Variants in DMRT1 observed in about 807,000 individuals in gnomAD.
DMRT1 encodes the protein doublesex and mab-3 related transcription factor 1, also known as doublesex- and mab-3-related transcription factor 1.
DMRT1 carries 7 observed loss-of-function variants against 32.3 expected under a neutral mutation model. The ratio of observed to expected loss-of-function variants is 0.22; its 90% confidence interval spans 0.12 to 0.41. The LOEUF is 0.41. Among genes scored for constraint, DMRT1 ranks in the 10% least tolerant of loss-of-function variants. The pLI is 1.00. For missense variants in DMRT1, 625 were observed against 500.5 expected (o/e 1.25, Z -2.37); for synonymous variants, 278 against 206.1 (o/e 1.35, Z -2.99).
At chr9:846,813 C>G (rs1268637306) in intron 1 of DMRT1, 147 bp from the exon 2 acceptor site, 5 of 963,206 alleles carry the variant, frequency 5.2e-6, no homozygotes, top group South Asian at 1.4e-5. Flanking sequence ...TCATAGTTAC[C>G]TGGGTGGGTT....
chr9:921,663 A>T (rs1488802633), intron 4 of DMRT1, among the ~76,000 whole-genome samples: 7 of 152,110 alleles, frequency 4.6e-5, no homozygotes, highest in East Asian at 3.8e-4. Context: ...TTTTCCATTT[A>T]AAAAAACAGT....
At chr9:878,848 TG>T (rs1486039633) in intron 2 of DMRT1, among the ~76,000 whole-genome samples, 1 of 152,224 alleles carries the variant, frequency 6.6e-6, no homozygotes, top group Admixed American at 6.5e-5. Flanking sequence ...AGTATTTCTT[TG>T]CTACGTGCAA....
At chr9:921,864 C>G (rs998550945) in intron 4 of DMRT1, among the ~76,000 whole-genome samples, 2 of 152,008 alleles carry the variant, frequency 1.3e-5, no homozygotes, top group African/African-American at 2.4e-5. Flanking sequence ...AGAGCGAAAC[C>G]CTGAGACACA....
Position 916,812 on chromosome 9 carries a change from A to G in DMRT1, c.872A>G (p.His291Arg), listed in dbSNP as rs756556479. Reference sequence around the variant, plus strand: ...GCAATGAGCTCCCAGTACAGGATGCATTCTTACTACCCGCCTCCCTCTTAC... The same window carrying G: ...GCAATGAGCTCCCAGTACAGGATGCGTTCTTACTACCCGCCTCCCTCTTAC... ...RHAMSSQYRMHSYYPPPSYLG... is the reference protein window; with the variant it reads ...RHAMSSQYRMRSYYPPPSYLG... The change falls in exon 4 of 5, where the codon CAT (histidine) becomes CGT (arginine). Residue 291 changes from histidine (H) to arginine (R), a missense_variant. Transcript: ENST00000382276. 2.5e-6 allele frequency: 4 copies of G among 1,614,120 alleles called. No homozygotes were observed. The highest frequency in any genetic ancestry group is 2.7e-5 in the African/African-American group (2 of 74,936).
At chr9:923,448 G>A (rs563296447) in intron 4 of DMRT1, among the ~76,000 whole-genome samples, 2 of 144,790 alleles carry the variant, frequency 1.4e-5, no homozygotes, top group African/African-American at 2.6e-5. Context: ...GAGAGAGGGT[G>A]AGGATGTTGG....
chr9:908,847 C>T (rs1360251141), intron 3 of DMRT1, among the ~76,000 whole-genome samples: 5 of 152,148 alleles, frequency 3.3e-5, no homozygotes, highest in Non-Finnish European at 7.3e-5. Flanking sequence ...CCCACCTCTC[C>T]TGGGCGCATT....
chr9:895,025 G>C (rs1586580971), intron 3 of DMRT1: 1 of 152,150 alleles, frequency 6.6e-6, no homozygotes, highest in African/African-American at 2.4e-5. Context: ...ATGTTGACCA[G>C]GCTGGTCTTG....
At chr9:905,476 GTGTGTGTGTGTC>G (rs1405070613) in intron 3 of DMRT1, among the ~76,000 whole-genome samples, 10 of 29,350 alleles carry the variant, frequency 3.4e-4, no homozygotes, top group South Asian at 2.2e-3. Flanking sequence ...CCTTGCCCCT[GTGTGTGTGTGTC>G]TGTGTGTGTG....
chr9:855,092 T>C (rs1815341708), intron 2 of DMRT1, among the ~76,000 whole-genome samples: 1 of 151,890 alleles, frequency 6.6e-6, no homozygotes, highest in Admixed American at 6.6e-5. Context: ...TGATAGCCTA[T>C]TTTAGATAGT....
At chr9:842,982 C>G (rs1838753102) in intron 1 of DMRT1, 1 of 152,164 alleles carries the variant, frequency 6.6e-6, no homozygotes, top group Non-Finnish European at 1.5e-5. Context: ...GGTTCGACTC[C>G]AAGGGAATCC....
chr9:872,669 T>C (rs561684655), intron 2 of DMRT1, among the ~76,000 whole-genome samples: 16 of 152,364 alleles, frequency 1.1e-4, no homozygotes, highest in African/African-American at 2.9e-4. Context: ...GACTTCTTTT[T>C]ATTACTTATC....
At chr9:845,904 C>T (rs980217277) in intron 1 of DMRT1, among the ~76,000 whole-genome samples, 12 of 152,162 alleles carry the variant, frequency 7.9e-5, no homozygotes, top group Admixed American at 5.9e-4. Flanking sequence ...CTGATTTTAA[C>T]ATGTGAAAGA....
At position 864,312 on chromosome 9, in the gene DMRT1, C is replaced by G. The variant is rs1222129594; in HGVS notation, c.538+17169C>G. 2.0e-5 allele frequency among the ~76,000 whole-genome samples: 3 copies of G among 149,226 alleles called. No individual in the cohort carries two copies. The East Asian group carries it at 5.9e-4, about 29-fold the overall frequency. On this transcript the variant is annotated intron_variant, in intron 2 of 4. Transcript: ENST00000382276. ...CTCTGCCTCTCAGGTTCAAGCGATT[C>G]TCCACTTCAGCCTGCCGAGTAGCTG...
At chr9:893,838 G>A in intron 2 of DMRT1, 74 bp from the exon 3 acceptor site, 1 of 1,433,122 alleles carries the variant, frequency 7.0e-7, no homozygotes, top group Non-Finnish European at 9.7e-7. Flanking sequence ...GTCTTGGGTA[G>A]GAAGGTTTAG....
intron 2 of DMRT1, among the ~76,000 whole-genome samples, chr9:859,336 G>C (rs1171056984): frequency 6.6e-6 from 1 of 152,128 alleles, no homozygotes; most frequent in African/African-American, 2.4e-5. Context: ...AACACCTTAT[G>C]CAGTACACTG....
chr9:851,283 G>T (rs1839141222), intron 2 of DMRT1, among the ~76,000 whole-genome samples: 1 of 152,082 alleles, frequency 6.6e-6, no homozygotes, highest in Non-Finnish European at 1.5e-5. Flanking sequence ...CTATCGCCCA[G>T]GCTGGAGTGC....
chr9:860,421 G>T (rs1291152167), intron 2 of DMRT1, among the ~76,000 whole-genome samples: 2 of 152,184 alleles, frequency 1.3e-5, no homozygotes, highest in African/African-American at 4.8e-5. Flanking sequence ...CATCTCTGCT[G>T]GAGAGTTTGC....
At chr9:932,040 C>A (rs980703663) in intron 4 of DMRT1, among the ~76,000 whole-genome samples, 2 of 152,198 alleles carry the variant, frequency 1.3e-5, no homozygotes, top group Non-Finnish European at 2.9e-5. Context: ...AGGCCCTCAT[C>A]TGCAGATCGC....
At chr9:920,142 G>C (rs1385805389) in intron 4 of DMRT1, among the ~76,000 whole-genome samples, 2 of 152,168 alleles carry the variant, frequency 1.3e-5, no homozygotes, top group African/African-American at 2.4e-5. Flanking sequence ...TGGAGTCTGA[G>C]GGGGAGGGGA....
Sources: allele counts gnomAD v4.1 joint callset (sites outside exome capture counted in the v4.1 genomes callset), GRCh38; gene constraint gnomAD v4.1.1; transcripts MANE v1.5; gene names NCBI Gene and HGNC (gene_info 2026-07-23, HGNC 2026-07-21).